LSM8: variants seen among roughly 807,000 people sequenced by gnomAD.
The protein encoded by LSM8 is LSM8 U6 small nuclear RNA associated.
Under a neutral mutation model 15.0 loss-of-function variants are expected in LSM8, and 14 were observed. That is an observed-to-expected ratio of 0.93 (90% CI 0.62 to 1.46). The LOEUF is 1.46. Ranked by LOEUF, LSM8 falls within the 40% of genes most tolerant of loss-of-function variation. The probability of loss-of-function intolerance (pLI) is 0.00; values close to 1 mark genes in which losing one functional copy is unlikely to be tolerated. For synonymous variants in LSM8, 50 were observed against 42.1 expected (o/e 1.19, Z -0.73); for missense variants, 90 against 115.4 (o/e 0.78, Z 1.01).
chr7:118,198,593 T>C lies in LSM8; in HGVS notation c.*6591T>C, dbSNP rs1809118654. ...ATATGGGAGAGATTGGAGGAGAATCTTCATGGAAATGGATGACTTGTGCTT... is the reference window on the plus strand; with the variant it reads ...ATATGGGAGAGATTGGAGGAGAATCCTCATGGAAATGGATGACTTGTGCTT... On this transcript the variant is annotated 3_prime_UTR_variant, in exon 4 of 4. Coordinates refer to ENST00000249299, the MANE Select transcript of LSM8 (RefSeq NM_016200.5). Among the ~76,000 whole-genome samples the C allele has an allele frequency of 6.6e-6, 1 of 152,130 alleles. No homozygotes were observed. Among genetic ancestry groups the C allele is most frequent in the African/African-American group, 2.4e-5 (1 of 41,416 alleles).
chr7:118,190,530 A>C (rs561502872), intron 3 of LSM8: 1 of 152,330 alleles, frequency 6.6e-6, no homozygotes, highest in South Asian at 2.1e-4. Flanking sequence ...GAGTGTTTGC[A>C]CAATGGATAT....
chr7:118,188,281 A>C lies in LSM8; in HGVS notation c.76A>C (p.Thr26Pro). The C allele has an allele frequency of 6.2e-7, 1 of 1,613,544 alleles. No individual in the cohort carries two copies. The highest frequency in any genetic ancestry group is 1.1e-5 in the South Asian group (1 of 91,052). The change falls in exon 3 of 4, where the codon ACA becomes CCA. Residue 26 changes from threonine (T) to proline (P), a missense_variant. Coordinates refer to ENST00000249299, the MANE Select transcript of LSM8 (RefSeq NM_016200.5). ...ITSDGRMIVG[T>P]LKGFDQTINL... ...CTCCTGAATATTTTCTTTACAGGGA[A>C]CACTGAAAGGTTTTGACCAGACCAT...
chr7:118,188,113 A>G (rs1808916374), intron 2 of LSM8, among the ~76,000 whole-genome samples, 165 bp from the exon 3 acceptor site: 1 of 152,182 alleles, frequency 6.6e-6, no homozygotes, highest in African/African-American at 2.4e-5. Flanking sequence ...CAAGAGGTAA[A>G]TTGTGTACCC....
At chr7:118,184,900 TG>T (rs1369624335) in intron 1 of LSM8, 3 of 152,226 alleles carry the variant, frequency 2.0e-5, no homozygotes, top group African/African-American at 7.2e-5. Flanking sequence ...AAATACCGAA[TG>T]CTTTTAATGA....
intron 3 of LSM8, chr7:118,191,377 TC>T (rs1808978452): frequency 1.3e-5 from 2 of 152,500 alleles, no homozygotes. Context: ...AAGTACTTGT[TC>T]CTACTATTAT....
At chr7:118,191,776 T>C in intron 3 of LSM8, 136 bp from the exon 4 acceptor site, 2 of 637,912 alleles carry the variant, frequency 3.1e-6, no homozygotes, top group Non-Finnish European at 2.7e-6. Flanking sequence ...CTTTTTACCT[T>C]AATTCTTTTT....
rs1354729386 is a variant in LSM8 at position 118,203,325 on chromosome 7, A to G, written c.*11323A>G. On this transcript the variant is annotated 3_prime_UTR_variant, in exon 4 of 4. Coordinates refer to ENST00000249299, the MANE Select transcript of LSM8 (RefSeq NM_016200.5). ...CTTTTAAAACTCACATAATTTTCCC[A>G]TTTCCCTTGAAGAAGATACTAATAT... is the stretch of plus-strand genomic sequence containing the variant. 1.3e-5 allele frequency among the ~76,000 whole-genome samples: 2 copies of G among 151,880 alleles called. No individual in the cohort carries two copies. Among genetic ancestry groups the G allele is most frequent in the East Asian group, 3.9e-4 (2 of 5,186 alleles).
rs1562863511 is a variant in LSM8 at position 118,194,927 on chromosome 7, A to T, written c.*2925A>T. Among the ~76,000 whole-genome samples, 1 of 152,180 alleles carries T rather than the reference A, an allele frequency of 6.6e-6. No homozygotes were observed. Among genetic ancestry groups the T allele is most frequent in the Non-Finnish European group, 1.5e-5 (1 of 68,024 alleles). On this transcript the variant is annotated 3_prime_UTR_variant, in exon 4 of 4. Coordinates refer to ENST00000249299, the MANE Select transcript of LSM8 (RefSeq NM_016200.5). ...GCTCAGCAGGGTCAAGTGACTTGTA[A>T]GAGGTAGCACTAGTAAGTAACAGTG...
At chr7:118,185,586 A>G in intron 1 of LSM8, 68 bp from the exon 2 acceptor site, 2 of 1,360,084 alleles carry the variant, frequency 1.5e-6, no homozygotes, top group Non-Finnish European at 2.1e-6. Context: ...AATTCAAATC[A>G]TTCCCTTGCC....
Position 118,200,401 on chromosome 7 carries a change from G to C in LSM8, c.*8399G>C, listed in dbSNP as rs1380712518. Among the ~76,000 whole-genome samples, 1 of 152,026 alleles carries C rather than the reference G, an allele frequency of 6.6e-6. No individual in the cohort carries two copies. The highest frequency in any genetic ancestry group is 6.6e-5 in the Admixed American group (1 of 15,246). On this transcript the variant is annotated 3_prime_UTR_variant, in exon 4 of 4. Transcript: ENST00000249299. Reference sequence around the variant, plus strand: ...AGCCCTACACAGCATCTTTAAGAAAGCTTTAATTTTGGTTTTTCAGAGCAA... The same window carrying C: ...AGCCCTACACAGCATCTTTAAGAAACCTTTAATTTTGGTTTTTCAGAGCAA...
In LSM8 at chr7:118,197,171, T is replaced by G. The variant is rs1809094083; in HGVS notation, c.*5169T>G. On this transcript the variant is annotated 3_prime_UTR_variant, in exon 4 of 4. Transcript: ENST00000249299. ...TCTTTAGGGTAATGTTCAATTACAC[T>G]GCATATATTTTGCTATTATGTAGGT... Among the ~76,000 whole-genome samples the G allele has an allele frequency of 6.7e-6, 1 of 149,316 alleles. No individual in the cohort carries two copies. Among genetic ancestry groups the G allele is most frequent in the African/African-American group, 2.5e-5 (1 of 40,406 alleles).
intron 3 of LSM8, chr7:118,190,668 A>G (rs1417006654): frequency 5.9e-5 from 9 of 152,208 alleles, no homozygotes. Context: ...AAATTTAAGA[A>G]TATTTAAGAG....
Position 118,192,204 on chromosome 7 carries a change from TC to T in LSM8, c.*203del, listed in dbSNP as rs1226889187. 1.6e-5 allele frequency: 6 copies of T among 371,106 alleles called. No homozygotes were observed. The highest frequency in any genetic ancestry group is 2.9e-5 in the Non-Finnish European group (6 of 210,000). 23.0% of individuals were successfully genotyped at this position (371,106 alleles called of 1,614,324 possible). On this transcript the variant is annotated 3_prime_UTR_variant, in exon 4 of 4. Transcript: ENST00000249299. The stretch of plus-strand genomic sequence containing the variant: ...TAAATATAAGTTTGGTAGCTTGGTT[TC>T]TTTTTTTTATTAAATAGTGTGAAAA...
chr7:118,199,068 C>G lies in LSM8; in HGVS notation c.*7066C>G, dbSNP rs143747587. Among the ~76,000 whole-genome samples the G allele has an allele frequency of 6.6e-6, 1 of 152,314 alleles. No homozygotes were observed. Among genetic ancestry groups the G allele is most frequent in the African/African-American group, 2.4e-5 (1 of 41,564 alleles). ...TCTGTGCAGCTCCACTGGGAGAGGA[C>G]ATCTTGAAGTTTGTGCCTGGTTTCT... is the stretch of plus-strand genomic sequence containing the variant. On this transcript the variant is annotated 3_prime_UTR_variant, in exon 4 of 4. Coordinates refer to ENST00000249299, the MANE Select transcript of LSM8 (RefSeq NM_016200.5).
At chr7:118,188,569 C>CA (rs1808925275) in intron 3 of LSM8, 164 bp downstream of exon 3, 1 of 571,828 alleles carries the variant, frequency 1.7e-6, no homozygotes, top group Non-Finnish European at 2.8e-6. Context: ...TAAAATAAGG[C>CA]ATATGTATAC....
In LSM8 at chr7:118,194,803, A is replaced by G. The variant is rs1272589602; in HGVS notation, c.*2801A>G. On this transcript the variant is annotated 3_prime_UTR_variant, in exon 4 of 4. Coordinates refer to ENST00000249299, the MANE Select transcript of LSM8 (RefSeq NM_016200.5). ...TATAGTTAGTATATTCTGGGCCTTC[A>G]TCTTCAAAATTAGTAGGTAGTATTT... Among the ~76,000 whole-genome samples, 1 of 152,116 alleles carries G rather than the reference A, an allele frequency of 6.6e-6. No homozygotes were observed. The highest frequency in any genetic ancestry group is 1.5e-5 in the Non-Finnish European group (1 of 68,012).
At position 118,200,902 on chromosome 7, in the gene LSM8, T is replaced by C. The variant is rs1809162663; in HGVS notation, c.*8900T>C. Among the ~76,000 whole-genome samples, 1 of 152,060 alleles carries C rather than the reference T, an allele frequency of 6.6e-6. No individual in the cohort carries two copies. The highest frequency in any genetic ancestry group is 2.4e-5 in the African/African-American group (1 of 41,430). On this transcript the variant is annotated 3_prime_UTR_variant, in exon 4 of 4. Transcript: ENST00000249299. The stretch of plus-strand genomic sequence containing the variant: ...CTAAATCTTGACTGTTGATTGACAA[T>C]TAATGGGCTAAATTTCCCATTAGCA...
At position 118,187,565 on chromosome 7, in the gene LSM8, T is replaced by A. The variant is rs938604437; in HGVS notation, c.73-713T>A. Among the ~76,000 whole-genome samples, 5 of 152,238 alleles carry A rather than the reference T, an allele frequency of 3.3e-5. No homozygotes were observed. In the East Asian group the frequency reaches 7.7e-4, roughly 23 times the overall value. On this transcript the variant is annotated intron_variant, in intron 2 of 3. Transcript: ENST00000249299. ...GTGTTACATGTAACTACTAGTTAAA[T>A]TTTTAGTATATTTATGGGACTGATT... is the stretch of plus-strand genomic sequence containing the variant.
Position 118,196,816 on chromosome 7 carries a change from G to A in LSM8, c.*4814G>A, listed in dbSNP as rs970894479. On this transcript the variant is annotated 3_prime_UTR_variant, in exon 4 of 4. Transcript: ENST00000249299. ...GCAATCTTGGCTCACTACAACCTCC[G>A]CATCCTGGGTTCAAGCGATTCCCCT... is the stretch of plus-strand genomic sequence containing the variant. 1.3e-5 allele frequency among the ~76,000 whole-genome samples: 2 copies of A among 150,938 alleles called. No individual in the cohort carries two copies. Among genetic ancestry groups the A allele is most frequent in the Non-Finnish European group, 2.9e-5 (2 of 67,828 alleles).
Sources: allele counts gnomAD v4.1 joint callset (sites outside exome capture counted in the v4.1 genomes callset), GRCh38; gene constraint gnomAD v4.1.1; transcripts MANE v1.5; gene names NCBI Gene and HGNC (gene_info 2026-07-23, HGNC 2026-07-21).